Variants in SLIT2 observed in about 807,000 individuals in gnomAD.
The protein encoded by SLIT2 is slit homolog 2 protein.
A neutral mutation model predicts 185.7 loss-of-function variants in SLIT2; 41 were observed. That is an observed-to-expected ratio of 0.22 (90% CI 0.17 to 0.29). The LOEUF is 0.29. Ranked by LOEUF, SLIT2 falls within the 10% of genes least tolerant of loss-of-function variation. The probability of loss-of-function intolerance (pLI) is 1.00; values close to 1 mark genes in which losing one functional copy is unlikely to be tolerated. For synonymous variants in SLIT2, 693 were observed against 680.2 expected (o/e 1.02, Z -0.29); for missense variants, 1,571 against 1,909.0 (o/e 0.82, Z 3.30).
At chr4:20,546,783 A>T (rs1723289032) in intron 22 of SLIT2, among the ~76,000 whole-genome samples, 1 of 152,052 alleles carries the variant, frequency 6.6e-6, no homozygotes, top group Admixed American at 6.6e-5. Context: ...TACATGCACA[A>T]TGTTTAAAAA....
At chr4:20,468,364 C>T (rs1714589891) in intron 5 of SLIT2, among the ~76,000 whole-genome samples, 1 of 151,978 alleles carries the variant, frequency 6.6e-6, no homozygotes, top group Non-Finnish European at 1.5e-5. Flanking sequence ...GCATTAAATA[C>T]CAAAAGCATG....
In SLIT2 at chr4:20,255,247, A is replaced by T. The variant is rs1341063618; in HGVS notation, c.179+1253A>T. 2.0e-5 allele frequency among the ~76,000 whole-genome samples: 3 copies of T among 152,206 alleles called. No individual in the cohort carries two copies. In the East Asian group the frequency reaches 5.8e-4, roughly 29 times the overall value. On this transcript the variant is annotated intron_variant, in intron 1 of 36. Transcript: ENST00000504154. ...CTGACCCGCACGTCTCCACCCGCGC[A>T]GCCCATTGCACTTCAAGTCGCCCTT...
intron 4 of SLIT2, among the ~76,000 whole-genome samples, chr4:20,388,777 GGAAAA>G (rs1482278880): frequency 1.2e-5 from 1 of 85,018 alleles, no homozygotes; most frequent in African/African-American, 4.1e-5. Flanking sequence ...CCGTCTCAGG[GGAAAA>G]AAAAAAAAAA....
chr4:20,340,632 G>T (rs976112459), intron 4 of SLIT2, among the ~76,000 whole-genome samples: 2 of 151,850 alleles, frequency 1.3e-5, no homozygotes, highest in Non-Finnish European at 2.9e-5. Flanking sequence ...ATGGAGTCTC[G>T]CTCTGTCCCC....
chr4:20,566,027 A>G (rs34322227), intron 26 of SLIT2, among the ~76,000 whole-genome samples: 3,474 of 152,152 alleles, frequency 0.023, 81 homozygotes, highest in South Asian at 0.09. Flanking sequence ...TTCTTTCAGT[A>G]GATCAACAAC....
intron 4 of SLIT2, among the ~76,000 whole-genome samples, chr4:20,307,850 G>A (rs556227129): frequency 6.6e-6 from 1 of 152,106 alleles, no homozygotes. Flanking sequence ...GATAGTGTGA[G>A]GCAGAACTGG....
At chr4:20,503,065 A>G (rs1718884620) in intron 9 of SLIT2, among the ~76,000 whole-genome samples, 1 of 152,190 alleles carries the variant, frequency 6.6e-6, no homozygotes, top group Non-Finnish European at 1.5e-5. Flanking sequence ...ATAAGACTGA[A>G]GACATCTGGG....
At chr4:20,415,455 G>T (rs1169896891) in intron 4 of SLIT2, among the ~76,000 whole-genome samples, 1 of 148,496 alleles carries the variant, frequency 6.7e-6, no homozygotes, top group Non-Finnish European at 1.5e-5. Flanking sequence ...TATTTAGAAT[G>T]CTGGGAGGTA....
At chr4:20,584,778 C>T (rs1262802445) in intron 29 of SLIT2, among the ~76,000 whole-genome samples, 4 of 152,062 alleles carry the variant, frequency 2.6e-5, no homozygotes, top group Admixed American at 2.6e-4. Context: ...ATCTAAGAAA[C>T]AGATAAAACT....
At chr4:20,530,711 TGA>T (rs1721722675) in intron 16 of SLIT2, among the ~76,000 whole-genome samples, 1 of 152,138 alleles carries the variant, frequency 6.6e-6, no homozygotes, top group Non-Finnish European at 1.5e-5. Context: ...AAATCAGTAC[TGA>T]GAATAAAATA....
intron 9 of SLIT2, among the ~76,000 whole-genome samples, chr4:20,492,612 C>A (rs1447901905): frequency 6.6e-6 from 1 of 152,096 alleles, no homozygotes; most frequent in South Asian, 2.1e-4. Context: ...AAAATTGTTA[C>A]CTCAATATTC....
At chr4:20,381,864 CAT>C (rs758540564) in intron 4 of SLIT2, among the ~76,000 whole-genome samples, 2 of 151,380 alleles carry the variant, frequency 1.3e-5, no homozygotes, top group East Asian at 3.9e-4. Context: ...ATAACAAAAA[CAT>C]AAAACTCCAG....
At chr4:20,515,190 T>G (rs531660288) in intron 11 of SLIT2, among the ~76,000 whole-genome samples, 1 of 152,290 alleles carries the variant, frequency 6.6e-6, no homozygotes, top group Non-Finnish European at 1.5e-5. Flanking sequence ...GGGTATTAGT[T>G]CTTCCATCTC....
intron 30 of SLIT2, among the ~76,000 whole-genome samples, chr4:20,594,256 CAT>C (rs10655060): frequency 6.7e-6 from 1 of 148,596 alleles, no homozygotes; most frequent in Non-Finnish European, 1.5e-5. Flanking sequence ...TATACATATA[CAT>C]ACACGCATAT....
chr4:20,257,846 C>G, intron 2 of SLIT2, 22 bp from the exon 3 acceptor site: 1 of 1,248,476 alleles, frequency 8.0e-7, no homozygotes, highest in South Asian at 1.2e-5. Context: ...CATTAAGAAG[C>G]ATGTTATATT....
chr4:20,511,482 C>T (rs1048738184), intron 11 of SLIT2, among the ~76,000 whole-genome samples: 6 of 136,476 alleles, frequency 4.4e-5, no homozygotes, highest in African/African-American at 1.1e-4. Flanking sequence ...AGTGCAGTGG[C>T]GCCATCTCGG....
rs181230428 is a variant in SLIT2 at position 20,364,897 on chromosome 4, C to G, written c.395+96016C>G. ...TTTTGAAGGCTCTTTTTACTCTTATCAATTGACTCAATGGACTCATGACTG... is the reference window on the plus strand; with the variant it reads ...TTTTGAAGGCTCTTTTTACTCTTATGAATTGACTCAATGGACTCATGACTG... On this transcript the variant is annotated intron_variant, in intron 4 of 36. Transcript: ENST00000504154. Among the ~76,000 whole-genome samples, 18 of 152,192 alleles carry G rather than the reference C, an allele frequency of 1.2e-4. No individual in the cohort carries two copies. In the East Asian group the frequency reaches 3.3e-3, roughly 28 times the overall value.
intron 3 of SLIT2, among the ~76,000 whole-genome samples, chr4:20,259,114 T>C (rs999306053): frequency 1.3e-5 from 2 of 151,692 alleles, no homozygotes; most frequent in Non-Finnish European, 3.0e-5. Context: ...AATTGTGGAA[T>C]TCAAAATAAA....
chr4:20,291,211 C>G (rs1193139172), intron 4 of SLIT2, among the ~76,000 whole-genome samples: 2 of 151,936 alleles, frequency 1.3e-5, no homozygotes, highest in African/African-American at 2.4e-5. Context: ...TGTGATGTTC[C>G]TCAGATATCT....
Sources: allele counts gnomAD v4.1 joint callset (sites outside exome capture counted in the v4.1 genomes callset), GRCh38; gene constraint gnomAD v4.1.1; transcripts MANE v1.5; gene names NCBI Gene and HGNC (gene_info 2026-07-23, HGNC 2026-07-21).